The following DENND3 variants were observed in gnomAD, a reference collection of about 807,000 sequenced individuals.
DENND3 encodes the protein DENN domain containing 3.
In DENND3, 88 loss-of-function variants were observed where a neutral mutation model predicts 135.1. The ratio of observed to expected loss-of-function variants is 0.65; its 90% CI spans 0.55 to 0.78. DENND3 has a LOEUF of 0.78. Ranked by LOEUF, DENND3 falls within the 30% of genes least tolerant of loss-of-function variation. The probability of loss-of-function intolerance (pLI) is 0.00; values close to 1 mark genes in which losing one functional copy is unlikely to be tolerated. For synonymous variants in DENND3, 693 were observed against 712.3 expected, an observed-to-expected ratio of 0.97 and a Z score of 0.43; for missense variants, 1,392 against 1,688.4, an observed-to-expected ratio of 0.82 and a Z score of 3.08.
chr8:141,171,263 GAT>G (rs1821519350), intron 13 of DENND3, among the ~76,000 whole-genome samples: 2 of 152,192 alleles, frequency 1.3e-5, no homozygotes, highest in Non-Finnish European at 2.9e-5. Flanking sequence ...AAATTTATGT[GAT>G]ATAAGAATAC....
intron 15 of DENND3, 100 bp downstream of exon 15, chr8:141,176,861 C>T: frequency 7.2e-7 from 1 of 1,393,234 alleles, no homozygotes; most frequent in South Asian, 1.3e-5. Context: ...AGTGCTCGGG[C>T]TCGGGTCTGA....
At chr8:141,142,084 G>T (rs1018106830) in intron 4 of DENND3, 1 of 297,398 alleles carries the variant, frequency 3.4e-6, no homozygotes. Context: ...TGCTGATGGT[G>T]AGTAGAAAGG....
chr8:141,170,170 C>T (rs1418588447), intron 13 of DENND3, among the ~76,000 whole-genome samples: 2 of 152,214 alleles, frequency 1.3e-5, no homozygotes, highest in African/African-American at 4.8e-5. Context: ...ATGGTCTTTG[C>T]CCATTTTTAT....
chr8:141,142,400 A>G (rs1171220152), intron 4 of DENND3: 1 of 457,138 alleles, frequency 2.2e-6, no homozygotes, highest in African/African-American at 2.0e-5. Context: ...GCTTCTTGCA[A>G]AGCACAGTCA....
At chr8:141,179,897 G>A (rs545193983) in intron 16 of DENND3, among the ~76,000 whole-genome samples, 1 of 152,344 alleles carries the variant, frequency 6.6e-6, no homozygotes, top group Non-Finnish European at 1.5e-5. Flanking sequence ...CAGGGACTGA[G>A]GGAGTCCTGG....
chr8:141,150,057 T>C (rs1458162362), intron 5 of DENND3, among the ~76,000 whole-genome samples: 1 of 152,260 alleles, frequency 6.6e-6, no homozygotes, highest in Non-Finnish European at 1.5e-5. Context: ...GCTCTGATCA[T>C]GTCTCTCCTT....
At chr8:141,151,017 C>T (rs117465514) in intron 6 of DENND3, 64 bp downstream of exon 6, 20,663 of 1,455,436 alleles carry the variant, frequency 0.014, 192 homozygotes, top group Non-Finnish European at 0.016. Flanking sequence ...ATCAGAGCAA[C>T]GATCAGAGAT....
At chr8:141,134,440 C>T (rs1194253927) in intron 1 of DENND3, among the ~76,000 whole-genome samples, 5 of 151,698 alleles carry the variant, frequency 3.3e-5, no homozygotes, top group Non-Finnish European at 7.4e-5. Flanking sequence ...GGACTACAGG[C>T]GCCCGCCACC....
At position 141,168,586 on chromosome 8, in the gene DENND3, C is replaced by A; in HGVS notation, c.2275+61C>A. On this transcript the variant is annotated intron_variant, in intron 13 of 22. Coordinates refer to ENST00000519811, the MANE Select transcript of DENND3 (RefSeq NM_001352890.3). The surrounding 1 kb of genome is among the most constrained non-coding windows in gnomAD (Gnocchi z 6.2). ...ATTTAGAGACAGGGTCTGGCTCTGTCGCCCAGGCTGGAGTGGACTGGCAAT... is the reference window on the plus strand; with the variant it reads ...ATTTAGAGACAGGGTCTGGCTCTGTAGCCCAGGCTGGAGTGGACTGGCAAT... 6.5e-7 allele frequency: 1 copy of A among 1,529,942 alleles called. No homozygotes were observed. The highest frequency in any genetic ancestry group is 1.3e-5 in the South Asian group (1 of 78,202). 94.8% of individuals were successfully genotyped at this position (1,529,942 alleles called of 1,614,324 possible).
chr8:141,193,889 C>G lies in DENND3; in HGVS notation c.3637-144C>G, dbSNP rs1589736114. 4 of 917,060 alleles carry G rather than the reference C, an allele frequency of 4.4e-6. No individual in the cohort carries two copies. The East Asian group carries it at 1.1e-4, about 24-fold the overall frequency. The allele number at this position is 917,060 out of a possible 1,614,324, so 56.8% of individuals were successfully genotyped here. On this transcript the variant is annotated intron_variant, in intron 22 of 22. Coordinates refer to ENST00000519811, the MANE Select transcript of DENND3 (RefSeq NM_001352890.3). The stretch of plus-strand genomic sequence containing the variant: ...GGGTCCTGTGCACCTGCCAGGCGGC[C>G]CTGACCCTCAGGCGGCAGAGGCCCT...
intron 5 of DENND3, among the ~76,000 whole-genome samples, chr8:141,145,827 A>T (rs1441783070): frequency 9.9e-5 from 8 of 81,118 alleles, no homozygotes; most frequent in African/African-American, 6.0e-4. Flanking sequence ...ATATATATAT[A>T]TATATATATA....
At chr8:141,164,118 AGTCTTGCGCTGTGCAGTCCTGCGGTCT>A (rs1289053543) in intron 10 of DENND3, among the ~76,000 whole-genome samples, 21 of 152,140 alleles carry the variant, frequency 1.4e-4, no homozygotes, top group Admixed American at 9.2e-4. Flanking sequence ...CCCATCTCAG[AGTCTTGCGCTGTGCAGTCCTGCGGTCT>A]GCGCTCTGTC....
chr8:141,176,514 C>T (rs1455896135), intron 14 of DENND3, 77 bp from the exon 15 acceptor site: 31 of 1,563,540 alleles, frequency 2.0e-5, no homozygotes, highest in South Asian at 4.5e-5. Flanking sequence ...TTCCAGAGCC[C>T]GCTCTGCCTC....
rs1380843427 is a variant in DENND3, at chr8:141,146,733, C to T, written c.735+2474C>T. Among the ~76,000 whole-genome samples the T allele has an allele frequency of 2.6e-5, 4 of 152,204 alleles. No homozygotes were observed. Among genetic ancestry groups the T allele is most frequent in the East Asian group, 3.8e-4 (2 of 5,206 alleles). Reference sequence around the variant, plus strand: ...CTGCCGGTGCATTCCAGTCCAGATACGCAGCAGGCCACCCGTCTCTGTCAG... The same window carrying T: ...CTGCCGGTGCATTCCAGTCCAGATATGCAGCAGGCCACCCGTCTCTGTCAG... On this transcript the variant is annotated intron_variant, in intron 5 of 22. Coordinates refer to ENST00000519811, the MANE Select transcript of DENND3 (RefSeq NM_001352890.3). This position sits in a 1 kb window ranked among gnomAD's most constrained non-coding sequence, Gnocchi z 4.3.
intron 18 of DENND3, 27 bp from the exon 19 acceptor site, chr8:141,188,959 T>C: frequency 6.2e-7 from 1 of 1,605,982 alleles, no homozygotes; most frequent in Non-Finnish European, 8.5e-7. Context: ...CTGACTGATT[T>C]CTCACGTTCC....
intron 7 of DENND3, among the ~76,000 whole-genome samples, chr8:141,153,516 G>T (rs1352492746): frequency 2.0e-5 from 3 of 152,224 alleles, no homozygotes; most frequent in African/African-American, 7.2e-5. Flanking sequence ...TTCCCGGAGC[G>T]TTTTAAAGCA....
intron 20 of DENND3, 26 bp downstream of exon 20, chr8:141,190,443 CG>C: frequency 6.3e-7 from 1 of 1,588,996 alleles, no homozygotes. Context: ...GCCATCAGAG[CG>C]GGCACCCTAC....
intron 8 of DENND3, 142 bp from the exon 9 acceptor site, chr8:141,160,490 A>G: frequency 9.1e-7 from 1 of 1,093,760 alleles, no homozygotes; most frequent in Non-Finnish European, 1.2e-6. Flanking sequence ...CCAGTGATGT[A>G]CTTTAATGAC....
chr8:141,165,407 A>C, intron 11 of DENND3, 118 bp downstream of exon 11: 4 of 713,464 alleles, frequency 5.6e-6, no homozygotes, highest in East Asian at 2.8e-5. Context: ...GTGCTTAGAA[A>C]CTCATGATGA....
Sources: allele counts gnomAD v4.1 joint callset (sites outside exome capture counted in the v4.1 genomes callset), GRCh38; gene constraint gnomAD v4.1.1; non-coding constraint Gnocchi (gnomAD v3.1); transcripts MANE v1.5; gene names NCBI Gene and HGNC (gene_info 2026-07-23, HGNC 2026-07-21).